Variants in MYRIP observed in about 807,000 individuals in gnomAD.
MYRIP encodes the protein myosin VIIA and Rab interacting protein.
Under a neutral mutation model 98.0 loss-of-function variants are expected in MYRIP, and 49 were observed. The ratio of observed to expected loss-of-function variants is 0.50; its 90% CI spans 0.40 to 0.63. The LOEUF is 0.63. Among genes scored for constraint, MYRIP ranks in the 30% least tolerant of loss-of-function variants. MYRIP has a pLI of 0.00. For synonymous variants in MYRIP, 404 were observed against 409.5 expected (o/e 0.99, Z 0.16); for missense variants, 1,004 against 1,058.2 (o/e 0.95, Z 0.71).
intron 8 of MYRIP, 146 bp downstream of exon 8, chr3:40,170,239 T>A: frequency 2.0e-6 from 2 of 1,022,582 alleles, no homozygotes; most frequent in Non-Finnish European, 2.8e-6. Flanking sequence ...AAAGTGAGTG[T>A]GAGTCGGGGG....
intron 1 of MYRIP, among the ~76,000 whole-genome samples, chr3:39,849,282 A>T (rs139354740): frequency 6.6e-6 from 1 of 152,302 alleles, no homozygotes; most frequent in East Asian, 1.9e-4. Context: ...AAGAAAAAAA[A>T]TTTCCCAGGA....
At chr3:40,127,923 T>C (rs1170746420) in intron 3 of MYRIP, among the ~76,000 whole-genome samples, 1 of 152,244 alleles carries the variant, frequency 6.6e-6, no homozygotes, top group African/African-American at 2.4e-5. Flanking sequence ...TCTCTGTTCA[T>C]AGCCTCTGAG....
Position 40,134,478 on chromosome 3 carries a change from G to C in MYRIP, c.333-16570G>C, listed in dbSNP as rs184354701. On this transcript the variant is annotated intron_variant, in intron 3 of 16. Transcript: ENST00000302541. ...GGGGGCAGGGCACAGACAAACAAAAGACAGCAATAACCTCTGCAGTCTTAA... is the reference window on the plus strand; with the variant it reads ...GGGGGCAGGGCACAGACAAACAAAACACAGCAATAACCTCTGCAGTCTTAA... Among the ~76,000 whole-genome samples the C allele has an allele frequency of 1.4e-3, 211 of 152,342 alleles. 2 individuals carry two copies. Among genetic ancestry groups the C allele is most frequent in the African/African-American group, 4.9e-3 (203 of 41,580 alleles).
In MYRIP at chr3:40,162,910, C is replaced by G. The variant is rs577505706; in HGVS notation, c.550+100C>G. 1.4e-4 allele frequency: 143 copies of G among 1,026,846 alleles called. No individual in the cohort carries two copies. The African/African-American group carries it at 2.1e-3, about 15-fold the overall frequency. The allele number at this position is 1,026,846 out of a possible 1,614,324, so 63.6% of individuals were successfully genotyped here. A position where few individuals can be genotyped will look rare whatever the true frequency, so the allele number is the denominator to read the frequency against. On this transcript the variant is annotated intron_variant, in intron 5 of 16. Coordinates refer to ENST00000302541, the MANE Select transcript of MYRIP (RefSeq NM_015460.4). ...GGGTCCCCCAGATGCATTGTTACCC[C>G]AGATGCAACTATCTACTACTGTGTG...
chr3:39,967,399 C>T (rs1559540892), intron 2 of MYRIP, among the ~76,000 whole-genome samples: 1 of 152,122 alleles, frequency 6.6e-6, no homozygotes, highest in Non-Finnish European at 1.5e-5. Flanking sequence ...CAGCTCCATC[C>T]ATGCAAAAGA....
At chr3:39,819,853 AG>A (rs1338727486) in intron 1 of MYRIP, among the ~76,000 whole-genome samples, 3 of 152,286 alleles carry the variant, frequency 2.0e-5, no homozygotes, top group Non-Finnish European at 4.4e-5. Context: ...AAAAGCTTTC[AG>A]AAAACTGTTT....
intron 2 of MYRIP, among the ~76,000 whole-genome samples, chr3:39,945,337 C>G (rs952744004): frequency 8.2e-6 from 1 of 121,896 alleles, no homozygotes; most frequent in African/African-American, 3.1e-5. Flanking sequence ...AAAAAAAAAG[C>G]TGTGCATGAT....
chr3:39,982,100 A>G (rs1032604666), intron 2 of MYRIP, among the ~76,000 whole-genome samples: 11 of 152,238 alleles, frequency 7.2e-5, no homozygotes, highest in Non-Finnish European at 1.6e-4. Flanking sequence ...CAATGAAACA[A>G]TACATCTAAA....
intron 2 of MYRIP, among the ~76,000 whole-genome samples, chr3:39,972,844 T>G (rs955060724): frequency 6.6e-5 from 10 of 151,830 alleles, no homozygotes; most frequent in Admixed American, 2.0e-4. Context: ...GGGCTTCTTC[T>G]TTGGACCAAA....
At chr3:39,890,218 T>C (rs191586480) in intron 1 of MYRIP, among the ~76,000 whole-genome samples, 2 of 152,190 alleles carry the variant, frequency 1.3e-5, no homozygotes, top group Non-Finnish European at 1.5e-5. Flanking sequence ...TGTCTCTTCA[T>C]CTGCTGTTGC....
chr3:40,163,356 G>A (rs1950436429), intron 5 of MYRIP, among the ~76,000 whole-genome samples: 1 of 152,104 alleles, frequency 6.6e-6, no homozygotes, highest in Admixed American at 6.5e-5. Context: ...CTCTCTTTGG[G>A]GGCTGTGATA....
At chr3:40,019,156 C>T (rs1010604218) in intron 2 of MYRIP, among the ~76,000 whole-genome samples, 2 of 152,190 alleles carry the variant, frequency 1.3e-5, no homozygotes, top group Non-Finnish European at 2.9e-5. Context: ...CATTGCCCAT[C>T]ATTGCCAATG....
At chr3:39,906,664 C>T (rs1397330947) in intron 2 of MYRIP, among the ~76,000 whole-genome samples, 2 of 152,092 alleles carry the variant, frequency 1.3e-5, no homozygotes, top group Admixed American at 1.3e-4. Context: ...AATAACCGGG[C>T]ACCTATGCCA....
rs375090124 is a variant in MYRIP, at chr3:40,132,293, T to G, written c.333-18755T>G. 4.5e-4 allele frequency among the ~76,000 whole-genome samples: 68 copies of G among 152,332 alleles called. 1 individual carries two copies. In the South Asian group the frequency reaches 0.013, roughly 30 times the overall value. ...TTAGTTACAGAAGAGAGGTTTACTC[T>G]GAAGCATGTCACCCACCAGTTGCCT... On this transcript the variant is annotated intron_variant, in intron 3 of 16. Coordinates refer to ENST00000302541, the MANE Select transcript of MYRIP (RefSeq NM_015460.4).
intron 3 of MYRIP, among the ~76,000 whole-genome samples, chr3:40,057,569 C>T (rs763481168): frequency 2.0e-5 from 3 of 152,100 alleles, no homozygotes; most frequent in Non-Finnish European, 2.9e-5. Flanking sequence ...GCTCAGAGGC[C>T]CCAGTGGCTT....
chr3:40,235,951 G>A (rs1952812356), intron 12 of MYRIP, among the ~76,000 whole-genome samples: 1 of 152,188 alleles, frequency 6.6e-6, no homozygotes, highest in Non-Finnish European at 1.5e-5. Flanking sequence ...ACTGGAGGGA[G>A]GAGAAGACAG....
At position 40,171,047 on chromosome 3, in the gene MYRIP, C is replaced by G. The variant is rs527386208; in HGVS notation, c.873+954C>G. On this transcript the variant is annotated intron_variant, in intron 8 of 16. Transcript: ENST00000302541. ...ACGGTTACAAGGAGTATCTTTATGG[C>G]TTTATCAGAGATGAAACTTCATTGA... 2.6e-5 allele frequency among the ~76,000 whole-genome samples: 4 copies of G among 152,266 alleles called. 1 individual carries two copies. In the South Asian group the frequency reaches 8.3e-4, roughly 32 times the overall value.
intron 3 of MYRIP, 96 bp downstream of exon 3, chr3:40,044,367 G>A: frequency 1.7e-6 from 2 of 1,205,206 alleles, no homozygotes; most frequent in East Asian, 2.4e-5. Context: ...ATGATTGGTA[G>A]ATCAACACAG....
chr3:40,170,094 G>T lies in MYRIP; in HGVS notation c.873+1G>T. On this transcript the variant is annotated splice_donor_variant, in intron 8 of 16. Coordinates refer to ENST00000302541, the MANE Select transcript of MYRIP (RefSeq NM_015460.4). LOFTEE classifies it high-confidence loss of function. Reference sequence around the variant, plus strand: ...CTACCGTGCTCCCGCTGCCCTCTGGGTGAGTCCCCAAGCAGTGCTGGTCTA... The same window carrying T: ...CTACCGTGCTCCCGCTGCCCTCTGGTTGAGTCCCCAAGCAGTGCTGGTCTA... The T allele has an allele frequency of 6.2e-7, 1 of 1,614,010 alleles. No individual in the cohort carries two copies. The highest frequency in any genetic ancestry group is 8.5e-7 in the Non-Finnish European group (1 of 1,180,018).
Sources: allele counts gnomAD v4.1 joint callset (sites outside exome capture counted in the v4.1 genomes callset), GRCh38; gene constraint gnomAD v4.1.1; transcripts MANE v1.5; gene names NCBI Gene and HGNC (gene_info 2026-07-23, HGNC 2026-07-21).